Variants in SEMA3D observed in about 807,000 individuals in gnomAD.
SEMA3D encodes semaphorin 3D.
Under a neutral mutation model 100.1 loss-of-function variants are expected in SEMA3D, and 84 were observed. That is an observed-to-expected ratio of 0.84 (90% confidence interval 0.70 to 1.01). SEMA3D has a LOEUF of 1.01. Ranked by LOEUF, SEMA3D falls within the 50% of genes least tolerant of loss-of-function variation. The pLI, the probability that SEMA3D is intolerant of heterozygous loss-of-function variation, is 0.00. For missense variants in SEMA3D, 875 were observed against 934.1 expected (o/e 0.94, Z 0.82); for synonymous variants, 312 against 320.7 (o/e 0.97, Z 0.29).
the SEMA3D span, among the ~76,000 whole-genome samples, chr7:85,209,953 C>T: frequency 3.9e-5 from 6 of 152,104 alleles, no homozygotes; most frequent in East Asian, 1.2e-3. Flanking sequence ...TTTCCAAGAA[C>T]ACCAGTAGTG....
In SEMA3D at chr7:85,182,499, G is replaced by T. The variant is rs139980369; in HGVS notation, c.-173+4179C>A. Among the ~76,000 whole-genome samples the T allele has an allele frequency of 1.8e-3, 280 of 152,238 alleles. 1 individual carries two copies. The highest frequency in any genetic ancestry group is 6.6e-3 in the African/African-American group (275 of 41,548). ...TTGTTCAGCATTGAACAACATGAAG[G>T]TATAAAAAATTAGGGAAGACAAATT... is the stretch of plus-strand genomic sequence containing the variant. On this transcript the variant is annotated intron_variant, in intron 1 of 18. Coordinates refer to ENST00000284136, the MANE Select transcript of SEMA3D (RefSeq NM_001384900.1).
At chr7:85,170,923 C>T (rs1009376206) in intron 1 of SEMA3D, among the ~76,000 whole-genome samples, 10 of 152,016 alleles carry the variant, frequency 6.6e-5, no homozygotes, top group African/African-American at 4.8e-5. Context: ...TGGTGTCAGG[C>T]ACCAGAATAG....
In SEMA3D at chr7:84,999,057, A is replaced by T. The variant is rs1182772373; in HGVS notation, c.*383T>A. 4.7e-6 allele frequency: 1 copy of T among 213,222 alleles called. No homozygotes were observed. The highest frequency in any genetic ancestry group is 5.2e-5 in the Admixed American group (1 of 19,130). 13.2% of individuals were successfully genotyped at this position (213,222 alleles called of 1,614,324 possible). ...ATATCTGTTCATAAGAACATAGCAC[A>T]ACTGCATGGTAAATTCCATGCTTAA... is the stretch of plus-strand genomic sequence containing the variant. On this transcript the variant is annotated 3_prime_UTR_variant, in exon 19 of 19. Coordinates refer to ENST00000284136, the MANE Select transcript of SEMA3D (RefSeq NM_001384900.1).
chr7:85,034,852 C>T (rs1442724326), intron 12 of SEMA3D, among the ~76,000 whole-genome samples: 3 of 152,014 alleles, frequency 2.0e-5, no homozygotes, highest in South Asian at 4.1e-4. Flanking sequence ...AAATTGGAAG[C>T]CTTGCACACT....
At position 84,999,473 on chromosome 7, in the gene SEMA3D, G is replaced by A. The variant is rs773476118; in HGVS notation, c.2301C>T (p.Asp767=). 14 of 1,613,898 alleles carry A rather than the reference G, an allele frequency of 8.7e-6. No individual in the cohort carries two copies. Among genetic ancestry groups the A allele is most frequent in the East Asian group, 2.2e-5 (1 of 44,876 alleles). The change falls in exon 19 of 19, where the codon GAC becomes GAT. Residue 767 remains aspartate, a synonymous_variant. Transcript: ENST00000284136. ...CTACAGCTCTAGGGAGCTCATCCAG[G>A]TCTCTGTGATGTCTTCGATTTCGTT... is the stretch of plus-strand genomic sequence containing the variant. The part of the protein sequence containing the change: ...KKKRNRRHHR[D]LDELPRAVAT
intron 13 of SEMA3D, among the ~76,000 whole-genome samples, 156 bp downstream of exon 13, chr7:85,022,235 A>T (rs1790274829): frequency 6.6e-6 from 1 of 151,930 alleles, no homozygotes; most frequent in East Asian, 1.9e-4. Context: ...TATGATTATC[A>T]ATTAAAAGCT....
At chr7:85,015,449 G>C (rs1367777108) in intron 15 of SEMA3D, among the ~76,000 whole-genome samples, 1 of 151,700 alleles carries the variant, frequency 6.6e-6, no homozygotes, top group East Asian at 2.0e-4. Flanking sequence ...TACAAGCTTG[G>C]CAGTAATTTC....
In SEMA3D at chr7:85,090,600, T is replaced by C. The variant is rs113045557; in HGVS notation, c.312+7205A>G. Among the ~76,000 whole-genome samples the C allele has an allele frequency of 3.4e-3, 521 of 152,330 alleles. 1 individual carries two copies. Among genetic ancestry groups the C allele is most frequent in the Non-Finnish European group, 4.9e-3 (334 of 68,024 alleles). ...AATTTGATTTTAAGTGAGAAGGTTA[T>C]TTATTCTTTTCTTTTCCCACTATGT... On this transcript the variant is annotated intron_variant, in intron 4 of 18. Coordinates refer to ENST00000284136, the MANE Select transcript of SEMA3D (RefSeq NM_001384900.1).
At chr7:85,050,189 A>G (rs905929902) in intron 9 of SEMA3D, among the ~76,000 whole-genome samples, 8 of 151,892 alleles carry the variant, frequency 5.3e-5, no homozygotes, top group Admixed American at 2.6e-4. Flanking sequence ...TGCAAAGTAA[A>G]TAGACACAAA....
chr7:85,073,437 A>C (rs1321685633), intron 5 of SEMA3D, among the ~76,000 whole-genome samples: 1 of 151,224 alleles, frequency 6.6e-6, no homozygotes. Context: ...TTTTTTAGAG[A>C]TGACACCTCT....
At chr7:85,243,868 G>A in the SEMA3D span, among the ~76,000 whole-genome samples, 119,174 of 152,116 alleles carry the variant, frequency 0.78, 46,781 homozygotes, top group Middle Eastern at 0.87. Context: ...TATAAATCAC[G>A]TCCATACTAT....
the SEMA3D span, among the ~76,000 whole-genome samples, chr7:85,221,578 CAAGTA>C: frequency 6.6e-6 from 1 of 151,898 alleles, no homozygotes; most frequent in Admixed American, 6.6e-5. Context: ...TCTCAAAACA[CAAGTA>C]AATATAAAAC....
the SEMA3D span, among the ~76,000 whole-genome samples, chr7:85,244,414 A>C: frequency 6.6e-6 from 1 of 152,106 alleles, no homozygotes. Flanking sequence ...GTCAAATCTT[A>C]ATATGATTTT....
At chr7:85,212,024 C>A in the SEMA3D span, among the ~76,000 whole-genome samples, 1 of 152,006 alleles carries the variant, frequency 6.6e-6, no homozygotes, top group South Asian at 2.1e-4. Flanking sequence ...TTTGACCATG[C>A]CTGATGCCAT....
intron 3 of SEMA3D, among the ~76,000 whole-genome samples, chr7:85,099,272 GT>G (rs2116320374): frequency 6.6e-6 from 1 of 151,972 alleles, no homozygotes; most frequent in African/African-American, 2.4e-5. Flanking sequence ...CATGGGGGTG[GT>G]TTCCCCATAC....
chr7:85,069,392 A>G (rs901713844), intron 6 of SEMA3D, among the ~76,000 whole-genome samples: 13 of 152,228 alleles, frequency 8.5e-5, no homozygotes, highest in East Asian at 1.9e-4. Flanking sequence ...CATAATTTTA[A>G]GTAAACACAC....
the SEMA3D span, among the ~76,000 whole-genome samples, chr7:85,206,556 G>T: frequency 1.3e-5 from 2 of 152,076 alleles, no homozygotes; most frequent in Admixed American, 1.3e-4. Flanking sequence ...GACAGCCAAG[G>T]CATTTGGCAA....
chr7:85,249,883 A>T, the SEMA3D span, among the ~76,000 whole-genome samples: 2 of 152,182 alleles, frequency 1.3e-5, no homozygotes, highest in Admixed American at 1.3e-4. Flanking sequence ...GCCGAATAGG[A>T]ACAGCTCCAG....
At chr7:85,044,542 A>G (rs1376455298) in intron 9 of SEMA3D, among the ~76,000 whole-genome samples, 1 of 152,140 alleles carries the variant, frequency 6.6e-6, no homozygotes, top group Non-Finnish European at 1.5e-5. Context: ...TCATGTAAGA[A>G]CTAAAAATTG....
Sources: allele counts gnomAD v4.1 joint callset (sites outside exome capture counted in the v4.1 genomes callset), GRCh38; gene constraint gnomAD v4.1.1; transcripts MANE v1.5; gene names NCBI Gene and HGNC (gene_info 2026-07-23, HGNC 2026-07-21).